FSIP1: variants seen among roughly 807,000 people sequenced by gnomAD.
FSIP1 encodes the protein fibrous sheath-interacting protein 1.
FSIP1 carries 65 observed loss-of-function variants against 60.9 expected under a neutral mutation model. That is an observed-to-expected ratio of 1.07 (90% confidence interval 0.87 to 1.31). The LOEUF (loss-of-function observed/expected upper bound fraction) is 1.31. FSIP1 is among the 40% of genes most tolerant of loss of function. The probability of loss-of-function intolerance (pLI) is 0.00; values close to 1 mark genes in which losing one functional copy is unlikely to be tolerated. For synonymous variants in FSIP1, 209 were observed against 221.2 expected, an observed-to-expected ratio of 0.94 and a Z score of 0.49; for missense variants, 675 against 665.5, an observed-to-expected ratio of 1.01 and a Z score of -0.16.
At chr15:39,597,550 G>A (rs968724705), downstream of FSIP1, 1 of 151,942 alleles carries the variant, frequency 6.6e-6, no homozygotes. Flanking sequence ...AATCAATATA[G>A]CATATACAAA....
intron 10 of FSIP1, among the ~76,000 whole-genome samples, chr15:39,705,115 A>T (rs1371048356): frequency 6.6e-6 from 1 of 152,222 alleles, no homozygotes; most frequent in Non-Finnish European, 1.5e-5. Flanking sequence ...AGAACCAGGG[A>T]AAGTTTTTCC....
Position 39,738,225 on chromosome 15 carries a change from T to C in FSIP1, c.781-24A>G, listed in dbSNP as rs8028533. 1.4e-3 allele frequency: 2,108 copies of C among 1,456,544 alleles called. 30 individuals are homozygous for C. The African/African-American group carries it at 0.025, about 17-fold the overall frequency. The allele number at this position is 1,456,544 out of a possible 1,614,324, so 90.2% of individuals were successfully genotyped here. A position where few individuals can be genotyped will look rare whatever the true frequency, so the allele number is the denominator to read the frequency against. ...AACTACAGAATTTATTAATGGAAAA[T>C]ATCATATACTCAAGGAAATTCACAG... On this transcript the variant is annotated intron_variant, in intron 7 of 11. Coordinates refer to ENST00000350221, the MANE Select transcript of FSIP1 (RefSeq NM_152597.5).
intron 5 of FSIP1, among the ~76,000 whole-genome samples, chr15:39,744,169 G>T (rs757764558): frequency 6.6e-6 from 1 of 152,122 alleles, no homozygotes; most frequent in Non-Finnish European, 1.5e-5. Flanking sequence ...GGAGACTCTG[G>T]ATAGAGAGTA....
intron 7 of FSIP1, among the ~76,000 whole-genome samples, chr15:39,738,692 T>A (rs1177747590): frequency 1.3e-5 from 2 of 149,808 alleles, no homozygotes; most frequent in African/African-American, 5.0e-5. Flanking sequence ...AGAACCTGGA[T>A]AAGGGGGGAA....
In FSIP1 at chr15:39,617,756, A is replaced by G; in HGVS notation, c.1678T>C (p.Ser560Pro). 3 of 1,613,448 alleles carry G rather than the reference A, an allele frequency of 1.9e-6. No individual in the cohort carries two copies. The highest frequency in any genetic ancestry group is 2.5e-6 in the Non-Finnish European group (3 of 1,179,666). The part of the protein sequence containing the change: ...SSEDQHLKLS[S>P]PENTIADEQE... ...TCACCTGCTATTGTATTCTCTGGAG[A>G]ACTGAGTTTCAGATGTTGGTCTTCT... The change falls in exon 11 of 12, where the codon TCT becomes CCT. Residue 560 changes from serine (S) to proline (P), a missense_variant. Coordinates refer to ENST00000350221, the MANE Select transcript of FSIP1 (RefSeq NM_152597.5).
intron 10 of FSIP1, among the ~76,000 whole-genome samples, chr15:39,623,856 G>C (rs766718648): frequency 2.6e-5 from 4 of 152,176 alleles, no homozygotes; most frequent in Non-Finnish European, 5.9e-5. Flanking sequence ...CTGCCTGCCT[G>C]ATGCATCCTC....
chr15:39,656,978 G>T (rs188168266), intron 10 of FSIP1, among the ~76,000 whole-genome samples: 1 of 152,288 alleles, frequency 6.6e-6, no homozygotes, highest in East Asian at 1.9e-4. Context: ...TCCCAGATCT[G>T]TTCACCAATT....
At chr15:39,676,566 C>T (rs529302903) in intron 10 of FSIP1, among the ~76,000 whole-genome samples, 6 of 152,262 alleles carry the variant, frequency 3.9e-5, no homozygotes, top group Admixed American at 3.3e-4. Flanking sequence ...GTGAAAGGCA[C>T]ATTTGCCTTC....
At chr15:39,749,623 T>C (rs1897106381) in intron 5 of FSIP1, among the ~76,000 whole-genome samples, 1 of 152,104 alleles carries the variant, frequency 6.6e-6, no homozygotes, top group South Asian at 2.1e-4. Context: ...TCAACATCCT[T>C]TCTTGATAAA....
In FSIP1 at chr15:39,689,137, T is replaced by C. The variant is rs147744487; in HGVS notation, c.1188+24307A>G. ...ACTCAGGAAAATAGTTAACTTACTA[T>C]TACTGCTTTACTATAAAGGATACTA... is the stretch of plus-strand genomic sequence containing the variant. On this transcript the variant is annotated intron_variant, in intron 10 of 11. Coordinates refer to ENST00000350221, the MANE Select transcript of FSIP1 (RefSeq NM_152597.5). Among the ~76,000 whole-genome samples the C allele has an allele frequency of 3.5e-3, 532 of 152,182 alleles. 4 individuals carry two copies. The highest frequency in any genetic ancestry group is 0.012 in the African/African-American group (503 of 41,498).
rs142075048 is a variant in FSIP1 at position 39,760,720 on chromosome 15, G to C, written c.559+3101C>G. 5.9e-5 allele frequency among the ~76,000 whole-genome samples: 9 copies of C among 152,134 alleles called. No homozygotes were observed. The East Asian group carries it at 1.7e-3, about 29-fold the overall frequency. ...GAAATGTAACATGGGATCTTGGATT[G>C]GATACTAGTAAATAAAAAGGACATT... On this transcript the variant is annotated intron_variant, in intron 5 of 11. Coordinates refer to ENST00000350221, the MANE Select transcript of FSIP1 (RefSeq NM_152597.5).
Position 39,653,796 on chromosome 15 carries a change from A to T in FSIP1, c.1189-35551T>A, listed in dbSNP as rs540139738. ...GACTTGCTCCTCCTTGCCTTCTGCC[A>T]TGACTGTGAGGCTTCCCCAGCCATG... On this transcript the variant is annotated intron_variant, in intron 10 of 11. Transcript: ENST00000350221. Among the ~76,000 whole-genome samples the T allele has an allele frequency of 2.6e-5, 4 of 152,352 alleles. No homozygotes were observed. The South Asian group carries it at 8.3e-4, about 32-fold the overall frequency.
At chr15:39,686,386 A>G (rs1894374767) in intron 10 of FSIP1, among the ~76,000 whole-genome samples, 1 of 152,264 alleles carries the variant, frequency 6.6e-6, no homozygotes, top group South Asian at 2.1e-4. Flanking sequence ...TTTTCCCATT[A>G]ATTTCTACAT....
intron 2 of FSIP1, among the ~76,000 whole-genome samples, chr15:39,770,935 A>G (rs1365843753): frequency 6.6e-6 from 1 of 152,244 alleles, no homozygotes; most frequent in Non-Finnish European, 1.5e-5. Flanking sequence ...TGGGATGGGC[A>G]GTCAAAGGTC....
downstream of FSIP1, chr15:39,598,562 T>C (rs1258203169): frequency 6.6e-6 from 1 of 152,180 alleles, no homozygotes; most frequent in African/African-American, 2.4e-5. Flanking sequence ...TGATTGAAAA[T>C]ACCAAGATAA....
intron 10 of FSIP1, among the ~76,000 whole-genome samples, chr15:39,656,143 G>A (rs1441072526): frequency 6.6e-6 from 1 of 152,070 alleles, no homozygotes; most frequent in African/African-American, 2.4e-5. Flanking sequence ...CTGGACTGGG[G>A]TAGGGAGTGA....
chr15:39,722,181 G>A (rs1467573592), intron 9 of FSIP1, among the ~76,000 whole-genome samples: 1 of 152,040 alleles, frequency 6.6e-6, no homozygotes, highest in Non-Finnish European at 1.5e-5. Flanking sequence ...GCACATGCAA[G>A]GGATCTAGGT....
intron 5 of FSIP1, among the ~76,000 whole-genome samples, chr15:39,752,492 G>A (rs950736011): frequency 6.6e-6 from 1 of 151,978 alleles, no homozygotes; most frequent in African/African-American, 2.4e-5. Flanking sequence ...TTAATAATAT[G>A]ATGTAATGTA....
intron 10 of FSIP1, among the ~76,000 whole-genome samples, chr15:39,629,750 G>A (rs1189845023): frequency 6.6e-6 from 1 of 152,200 alleles, no homozygotes; most frequent in Admixed American, 6.5e-5. Context: ...GAATCAGAAT[G>A]ACTTAACCTG....
Sources: gnomAD v4.1 joint callset for allele counts (sites outside exome capture counted in the v4.1 genomes callset) on GRCh38, gnomAD v4.1.1 for gene constraint, MANE v1.5 for transcripts, NCBI Gene and HGNC (gene_info 2026-07-23, HGNC 2026-07-21) for gene names.